CLCNKA: variants seen among roughly 807,000 people sequenced by gnomAD.
CLCNKA encodes chloride channel protein ClC-Ka.
A neutral mutation model predicts 83.3 loss-of-function variants in CLCNKA; 66 were observed. The observed-to-expected ratio is 0.79, with a 90% CI of 0.65 to 0.97. CLCNKA has a LOEUF of 0.97. Among genes scored for constraint, CLCNKA ranks in the 50% least tolerant of loss-of-function variants. The pLI, the probability that CLCNKA is intolerant of heterozygous loss-of-function variation, is 0.00. For missense variants in CLCNKA, 806 were observed against 888.7 expected (o/e 0.91, Z 1.18); for synonymous variants, 357 against 370.4 (o/e 0.96, Z 0.42).
At chr1:16,028,875 G>A (rs1302946214) in intron 11 of CLCNKA, 30 bp downstream of exon 11, 1 of 1,607,766 alleles carries the variant, frequency 6.2e-7, no homozygotes, top group Non-Finnish European at 8.5e-7. Context: ...GGTGGCAGGA[G>A]TGGGAACCCC....
At chr1:16,032,602 C>T in intron 18 of CLCNKA, 76 bp downstream of exon 18, 1 of 1,162,456 alleles carries the variant, frequency 8.6e-7, no homozygotes, top group Non-Finnish European at 1.3e-6. Flanking sequence ...CAGGCTCCAG[C>T]CTCCCGTCCC....
chr1:16,030,117 G>T (rs1464089436), intron 14 of CLCNKA, 42 bp downstream of exon 14: 6 of 1,450,050 alleles, frequency 4.1e-6, no homozygotes, highest in Non-Finnish European at 5.8e-6. Context: ...ATGTCGTGGG[G>T]CTGGGCTGGA....
In CLCNKA at chr1:16,029,213, G is replaced by A. The variant is rs764634668; in HGVS notation, c.1141G>A (p.Glu381Lys). The A allele has an allele frequency of 1.2e-6, 2 of 1,613,658 alleles. No individual in the cohort carries two copies. The highest frequency in any genetic ancestry group is 8.5e-7 in the Non-Finnish European group (1 of 1,179,882). The change falls in exon 12 of 20, where the codon GAG (glutamate) becomes AAG (lysine). Residue 381 changes from glutamate (E) to lysine (K), a missense_variant. Glu to Lys is a moderately conservative substitution (Grantham distance 56, BLOSUM62 1). Transcript: ENST00000331433. The stretch of plus-strand genomic sequence containing the variant: ...GAACTCCAGCCCACCCTGGCCCGAG[G>A]AGCTCGACCCCCAGCACCTTTGGTG... ...TQNSSPPWPE[E>K]LDPQHLWWEW...
intron 18 of CLCNKA, 71 bp from the exon 19 acceptor site, chr1:16,033,099 T>C: frequency 2.0e-6 from 3 of 1,493,262 alleles, no homozygotes; most frequent in Non-Finnish European, 2.8e-6. Context: ...CTCAGAGGCG[T>C]GGCAGAGTGG....
rs145613149 is a variant in CLCNKA, at chr1:16,025,720, C to T, written c.359-388C>T. On this transcript the variant is annotated intron_variant, in intron 4 of 19. Coordinates refer to ENST00000331433, the MANE Select transcript of CLCNKA (RefSeq NM_004070.4). ...AAAAAAAATCATAATGTGAAAACAC[C>T]GTGCGGGTAGAGTTATGAGAGTTTT... is the stretch of plus-strand genomic sequence containing the variant. Among the ~76,000 whole-genome samples, 236 of 152,186 alleles carry T rather than the reference C, an allele frequency of 1.6e-3. 1 individual carries two copies. The highest frequency in any genetic ancestry group is 5.3e-3 in the African/African-American group (221 of 41,540).
In CLCNKA at chr1:16,022,959, T is replaced by C. The variant is rs111821117; in HGVS notation, c.100+240T>C. On this transcript the variant is annotated intron_variant, in intron 2 of 19. Coordinates refer to ENST00000331433, the MANE Select transcript of CLCNKA (RefSeq NM_004070.4). ...GAGATACAGCCCAAGGCCTGGTCAC[T>C]GTGCCTATCTTCCACCCAGGCCTCT... is the stretch of plus-strand genomic sequence containing the variant. 0.011 allele frequency among the ~76,000 whole-genome samples: 1,713 copies of C among 152,324 alleles called. 11 individuals carry two copies. Among genetic ancestry groups the C allele is most frequent in the South Asian group, 0.036 (175 of 4,818 alleles).
Position 16,033,103 on chromosome 1 carries a change from A to G in CLCNKA, c.1930-67A>G, listed in dbSNP as rs992938398. The G allele has an allele frequency of 2.3e-5, 35 of 1,515,408 alleles. No homozygotes were observed. In the African/African-American group the frequency reaches 3.7e-4, roughly 16 times the overall value. The allele number at this position is 1,515,408 out of a possible 1,614,324, so 93.9% of individuals were successfully genotyped here. A position where few individuals can be genotyped will look rare whatever the true frequency, so the allele number is the denominator to read the frequency against. On this transcript the variant is annotated intron_variant, in intron 18 of 19. Coordinates refer to ENST00000331433, the MANE Select transcript of CLCNKA (RefSeq NM_004070.4). ...CCTCTTCCTGGCTCAGAGGCGTGGC[A>G]GAGTGGGCCAGAGGGTGGGCTGGGC...
chr1:16,032,607 C>T (rs1023511258), intron 18 of CLCNKA, 81 bp downstream of exon 18: 12 of 1,094,396 alleles, frequency 1.1e-5, no homozygotes, highest in African/African-American at 3.0e-5. Context: ...TCCAGCCTCC[C>T]GTCCCAACCC....
rs1446936792 is a variant in CLCNKA at position 16,028,046 on chromosome 1, T to A, written c.895T>A (p.Tyr299Asn). The A allele has an allele frequency of 1.9e-6, 3 of 1,613,762 alleles. No homozygotes were observed. In the South Asian group the frequency reaches 3.3e-5, roughly 18 times the overall value. Residue 299 changes from tyrosine (Y) to asparagine (N), a missense_variant, in exon 10 of 20, where the codon TAC becomes AAC. By Grantham distance (143) the Tyr-to-Asn change is moderately radical (BLOSUM62 -2). Coordinates refer to ENST00000331433, the MANE Select transcript of CLCNKA (RefSeq NM_004070.4). ...CATCTGCGGCGTCCTGAGCTGTGCT[T>A]ACCTCTTCTGTCAGCGAACCTTCCT... ...GGICGVLSCA[Y>N]LFCQRTFLSF...
Position 16,030,337 on chromosome 1 carries a change from C to G in CLCNKA, c.1409-124C>G, listed in dbSNP as rs577915235. 3.5e-4 allele frequency: 439 copies of G among 1,243,338 alleles called. 1 individual carries two copies. Among genetic ancestry groups the G allele is most frequent in the Non-Finnish European group, 4.4e-4 (387 of 879,118 alleles). The allele number at this position is 1,243,338 out of a possible 1,614,324, so 77.0% of individuals were successfully genotyped here. ...GGCCTTGGGGCACTTCCCACAGTGC[C>G]CAGGCTGTGGCCTCTTACAATTCCC... On this transcript the variant is annotated intron_variant, in intron 14 of 19. Coordinates refer to ENST00000331433, the MANE Select transcript of CLCNKA (RefSeq NM_004070.4).
At chr1:16,032,176 C>T (rs1476885490) in intron 16 of CLCNKA, 27 bp from the exon 17 acceptor site, 1 of 1,595,978 alleles carries the variant, frequency 6.3e-7, no homozygotes, top group East Asian at 2.2e-5. Flanking sequence ...TAATGCACCT[C>T]CCTCCCTCTC....
At chr1:16,025,326 G>A (rs974052137) in intron 4 of CLCNKA, among the ~76,000 whole-genome samples, 2 of 152,204 alleles carry the variant, frequency 1.3e-5, no homozygotes, top group African/African-American at 4.8e-5. Flanking sequence ...TCTGACTCTA[G>A]CATCCAAATC....
At chr1:16,025,962 G>T (rs2022327870) in intron 4 of CLCNKA, 146 bp from the exon 5 acceptor site, 1 of 1,041,688 alleles carries the variant, frequency 9.6e-7, no homozygotes, top group South Asian at 1.3e-5. Flanking sequence ...CACCATGTTG[G>T]CAAGGCTGGT....
intron 5 of CLCNKA, 142 bp downstream of exon 5, chr1:16,026,389 A>C: frequency 7.0e-7 from 1 of 1,437,616 alleles, no homozygotes. Context: ...GGGAAGAGCC[A>C]GGCCAGGTCC....
chr1:16,026,480 C>A, intron 5 of CLCNKA, 56 bp from the exon 6 acceptor site: 1 of 1,586,298 alleles, frequency 6.3e-7, no homozygotes, highest in Non-Finnish European at 8.5e-7. Context: ...AGCCGTGCTG[C>A]CTCGGGGTGA....
In CLCNKA at chr1:16,033,288, G is replaced by A. The variant is rs746534555; in HGVS notation, c.2016+32G>A. ...GGGTCCCGGGGGCAGAGCAAAGCAG[G>A]GGACCCATGCCTGAGAAGGCTGGGG... is the stretch of plus-strand genomic sequence containing the variant. On this transcript the variant is annotated intron_variant, in intron 19 of 19. Transcript: ENST00000331433. 1.9e-5 allele frequency: 30 copies of A among 1,610,652 alleles called. No homozygotes were observed. The Middle Eastern group carries it at 4.9e-4, about 27-fold the overall frequency.
In CLCNKA at chr1:16,027,448, G is replaced by T; in HGVS notation, c.781+13G>T. On this transcript the variant is annotated intron_variant, in intron 8 of 19. Coordinates refer to ENST00000331433, the MANE Select transcript of CLCNKA (RefSeq NM_004070.4). The stretch of plus-strand genomic sequence containing the variant: ...AACAGCGAGCAGGGTGAGCCCCCTG[G>T]GCTGCCTGACCCTGGCCCTGCCTGG... 1 of 1,613,530 alleles carries T rather than the reference G, an allele frequency of 6.2e-7. No individual in the cohort carries two copies. Among genetic ancestry groups the T allele is most frequent in the Non-Finnish European group, 8.5e-7 (1 of 1,179,886 alleles).
rs762119830 is a variant in CLCNKA, at chr1:16,030,665, G to A, written c.1613G>A (p.Arg538His). The A allele has an allele frequency of 1.1e-5, 18 of 1,613,294 alleles. No homozygotes were observed. The highest frequency in any genetic ancestry group is 1.1e-4 in the South Asian group (10 of 91,088). ...CCATACCTGCCACGGATTCTGGGCC[G>A]CAACATCGGGTGAGTGGTGCCCACC... is the stretch of plus-strand genomic sequence containing the variant. ...KLPYLPRILG[R>H]NIGSHHVRVE... Residue 538 changes from arginine (R) to histidine (H), a missense_variant, in exon 15 of 20, where the codon CGC becomes CAC. By Grantham distance (29) the Arg-to-His change is conservative. Transcript: ENST00000331433.
intron 19 of CLCNKA, 80 bp from the exon 20 acceptor site, chr1:16,033,531 T>G: frequency 8.4e-7 from 1 of 1,191,390 alleles, no homozygotes; most frequent in Admixed American, 1.8e-5. Flanking sequence ...AAATGAACCT[T>G]AGGGGACTAA....
Sources: allele counts gnomAD v4.1 joint callset (sites outside exome capture counted in the v4.1 genomes callset), GRCh38; gene constraint gnomAD v4.1.1; transcripts MANE v1.5; gene names NCBI Gene and HGNC (gene_info 2026-07-23, HGNC 2026-07-21).